ROBO3: variants seen among roughly 807,000 people sequenced by gnomAD.
ROBO3 encodes the protein roundabout homolog 3.
A neutral mutation model predicts 160.5 loss-of-function variants in ROBO3; 97 were observed. The ratio of observed to expected loss-of-function variants is 0.60; its 90% CI spans 0.51 to 0.72. The LOEUF (loss-of-function observed/expected upper bound fraction) is 0.72. ROBO3 is among the 30% of genes least tolerant of loss of function. ROBO3 has a pLI of 0.00. For synonymous variants in ROBO3, 780 were observed against 746.2 expected, an observed-to-expected ratio of 1.05 and a Z score of -0.74; for missense variants, 1,858 against 1,846.5, an observed-to-expected ratio of 1.01 and a Z score of -0.11.
At position 124,866,782 on chromosome 11, in the gene ROBO3, A is replaced by G. The variant is rs1591506567; in HGVS notation, c.160+1045A>G. 2.0e-5 allele frequency among the ~76,000 whole-genome samples: 3 copies of G among 152,254 alleles called. No homozygotes were observed. In the East Asian group the frequency reaches 5.8e-4, roughly 29 times the overall value. Reference sequence around the variant, plus strand: ...GGAAAGGGCGCCTGCAGCTGTGTCTACAGGAATTAGGGGGAAAAGGCCGAC... The same window carrying G: ...GGAAAGGGCGCCTGCAGCTGTGTCTGCAGGAATTAGGGGGAAAAGGCCGAC... On this transcript the variant is annotated intron_variant, in intron 1 of 27. Transcript: ENST00000397801.
chr11:124,866,863 C>A (rs1427635611), intron 1 of ROBO3, among the ~76,000 whole-genome samples: 1 of 152,014 alleles, frequency 6.6e-6, no homozygotes. Flanking sequence ...GGGGAGGAGC[C>A]CGATTCTCCA....
Position 124,872,684 on chromosome 11 carries a change from A to T in ROBO3, c.1330+132A>T, listed in dbSNP as rs1946292957. 1 of 1,085,820 alleles carries T rather than the reference A, an allele frequency of 9.2e-7. No homozygotes were observed. Among genetic ancestry groups the T allele is most frequent in the Non-Finnish European group, 1.3e-6 (1 of 774,600 alleles). 67.3% of individuals were successfully genotyped at this position (1,085,820 alleles called of 1,614,324 possible). ...ATGTGTTCCTGAGGCATGACCTTGA[A>T]GTTTGGAAACCAGCAGCAGAAGCCA... On this transcript the variant is annotated intron_variant, in intron 8 of 27. Transcript: ENST00000397801. This position sits in a 1 kb window ranked among gnomAD's most constrained non-coding sequence, Gnocchi z 4.3.
chr11:124,870,962 C>T lies in ROBO3; in HGVS notation c.1034-52C>T, dbSNP rs1480058955. 2.5e-6 allele frequency: 4 copies of T among 1,586,692 alleles called. No homozygotes were observed. In the East Asian group the frequency reaches 6.8e-5, roughly 27 times the overall value. On this transcript the variant is annotated intron_variant, in intron 6 of 27. Coordinates refer to ENST00000397801, the MANE Select transcript of ROBO3 (RefSeq NM_022370.4). ...TTCTCTCTCCTGTTCCTGCAGTCTC[C>T]TTTCTTAGTGCCTCTGACTACCTGT...
intron 26 of ROBO3, 51 bp downstream of exon 26, chr11:124,879,999 G>T: frequency 6.7e-7 from 1 of 1,483,368 alleles, no homozygotes; most frequent in Non-Finnish European, 9.0e-7. Context: ...GAGACTGTGG[G>T]CTTTGGGACT....
rs2135335704 is a variant in ROBO3, at chr11:124,876,241, G to A, written c.2594-34G>A. On this transcript the variant is annotated intron_variant, in intron 16 of 27. Transcript: ENST00000397801. The surrounding 1 kb of genome is among the most constrained non-coding windows in gnomAD (Gnocchi z 5.3). ...CCCTTTCCCAGTTCCAGGGTTTCGG[G>A]CCCCTCCTCCCCTCACTTCTCTGAC... 3 of 1,494,638 alleles carry A rather than the reference G, an allele frequency of 2.0e-6. No homozygotes were observed. Among genetic ancestry groups the A allele is most frequent in the South Asian group, 1.4e-5 (1 of 73,396 alleles). The allele number at this position is 1,494,638 out of a possible 1,614,324, so 92.6% of individuals were successfully genotyped here.
rs1250565219 is a variant in ROBO3, at chr11:124,873,229, C to T, written c.1537-81C>T. The T allele has an allele frequency of 7.0e-7, 1 of 1,434,312 alleles. No individual in the cohort carries two copies. The highest frequency in any genetic ancestry group is 9.6e-7 in the Non-Finnish European group (1 of 1,039,612). The allele number at this position is 1,434,312 out of a possible 1,614,324, so 88.8% of individuals were successfully genotyped here. ...GAGCACCTAGTATCCAACATCTTCCCATCCTTCTGCTACCCGCCTCCACCC... is the reference window on the plus strand; with the variant it reads ...GAGCACCTAGTATCCAACATCTTCCTATCCTTCTGCTACCCGCCTCCACCC... On this transcript the variant is annotated intron_variant, in intron 9 of 27. Transcript: ENST00000397801. The surrounding 1 kb of genome is among the most constrained non-coding windows in gnomAD (Gnocchi z 4.5).
chr11:124,868,975 C>T lies in ROBO3; in HGVS notation c.334C>T (p.Arg112Cys). 1 of 1,603,038 alleles carries T rather than the reference C, an allele frequency of 6.2e-7. No individual in the cohort carries two copies. The highest frequency in any genetic ancestry group is 8.5e-7 in the Non-Finnish European group (1 of 1,175,662). ...ARVATVREDPRAHRLLLPSGA... is the reference protein window; with the variant it reads ...ARVATVREDPCAHRLLLPSGA... Reference sequence around the variant, plus strand: ...TGTGGCCACTGTGCGGGAGGATCCGCGTGCGCACCGCCTGCTGCTGCCCAG... The same window carrying T: ...TGTGGCCACTGTGCGGGAGGATCCGTGTGCGCACCGCCTGCTGCTGCCCAG... Residue 112 changes from arginine to cysteine, a missense_variant, in exon 2 of 28, where the codon CGT (arginine) becomes TGT (cysteine). Arg to Cys is a radical substitution (Grantham distance 180). Transcript: ENST00000397801.
intron 19 of ROBO3, 21 bp from the exon 20 acceptor site, chr11:124,877,498 C>A: frequency 6.2e-7 from 1 of 1,600,156 alleles, no homozygotes; most frequent in Non-Finnish European, 8.5e-7. Flanking sequence ...CCGTCCCCAA[C>A]GCTCACCTGC....
intron 13 of ROBO3, 50 bp from the exon 14 acceptor site, chr11:124,875,061 T>G: frequency 6.6e-7 from 1 of 1,525,878 alleles, no homozygotes. Context: ...CTGGAGGGCC[T>G]GTATGGCCCC....
In ROBO3 at chr11:124,873,814, A is replaced by C; in HGVS notation, c.1736A>C (p.Asn579Thr). The change falls in exon 11 of 28, where the codon AAC (asparagine) becomes ACC (threonine). Residue 579 changes from asparagine (N) to threonine (T), a missense_variant. Physicochemically the swap from Asn to Thr is moderately conservative, Grantham distance 65. Coordinates refer to ENST00000397801, the MANE Select transcript of ROBO3 (RefSeq NM_022370.4). This position sits in a 1 kb window ranked among gnomAD's most constrained non-coding sequence, Gnocchi z 4.5. ...AGCATTACCCTGACCTGGAAGCCCA[A>C]CCCACAAACTGGGGCTGCAGTCACG... ...KNSITLTWKP[N>T]PQTGAAVTSY... 1 of 1,613,774 alleles carries C rather than the reference A, an allele frequency of 6.2e-7. No homozygotes were observed. Among genetic ancestry groups the C allele is most frequent in the Non-Finnish European group, 8.5e-7 (1 of 1,179,774 alleles).
At position 124,880,488 on chromosome 11, in the gene ROBO3, G is replaced by A. The variant is rs557515827; in HGVS notation, c.4029G>A (p.Thr1343=). ...SRGQGTSTCS[T]AGSNSSRGSS... ...GCCAGGGCACCAGCACATGTTCCAC[G>A]GCCGGCAGCAACTCTTCCAGGGGCT... is the stretch of plus-strand genomic sequence containing the variant. The change falls in exon 27 of 28, where the codon ACG becomes ACA. Residue 1343 remains threonine, a synonymous_variant. Coordinates refer to ENST00000397801, the MANE Select transcript of ROBO3 (RefSeq NM_022370.4). The A allele has an allele frequency of 1.2e-5, 20 of 1,604,840 alleles. 1 individual carries two copies. Among genetic ancestry groups the A allele is most frequent in the South Asian group, 9.0e-5 (8 of 89,106 alleles).
chr11:124,868,766 C>T (rs1325242746), intron 1 of ROBO3, 36 bp from the exon 2 acceptor site: 3 of 1,565,408 alleles, frequency 1.9e-6, no homozygotes, highest in Admixed American at 1.8e-5. Flanking sequence ...CCACAATTTC[C>T]CTGTCTGAAC....
chr11:124,871,870 G>A (rs1946283169), intron 7 of ROBO3, among the ~76,000 whole-genome samples: 1 of 152,188 alleles, frequency 6.6e-6, no homozygotes, highest in Non-Finnish European at 1.5e-5. Context: ...TGAATAAAAA[G>A]GGTGACGGTT....
chr11:124,870,649 C>T lies in ROBO3; in HGVS notation c.954C>T (p.Ala318=), dbSNP rs765425006. 1.7e-5 allele frequency: 28 copies of T among 1,613,292 alleles called. No homozygotes were observed. Among genetic ancestry groups the T allele is most frequent in the Admixed American group, 3.3e-5 (2 of 59,938 alleles). ...GCCTTTGGATTGGGCATGTGAGTGCCGAAGATGAGGGAACGTACACCTGTG... is the reference window on the plus strand; with the variant it reads ...GCCTTTGGATTGGGCATGTGAGTGCTGAAGATGAGGGAACGTACACCTGTG... The part of the protein sequence containing the change: ...DHSLWIGHVS[A]EDEGTYTCVA... Residue 318 remains alanine (A), a synonymous_variant, in exon 6 of 28, where the codon GCC becomes GCT. Transcript: ENST00000397801.
Position 124,879,888 on chromosome 11 carries a change from G to C in ROBO3, c.3898G>C (p.Gly1300Arg), listed in dbSNP as rs761307960. The change falls in exon 26 of 28, where the codon GGG (glycine) becomes CGG (arginine). Residue 1300 changes from glycine to arginine, a missense_variant. By Grantham distance (125) the Gly-to-Arg change is moderately radical. Transcript: ENST00000397801. ...GTCCTCCCTGGAGCGGGAGCGCAGT[G>C]GGGAGAGGAAAGCGGTCCAGGCCGT... is the stretch of plus-strand genomic sequence containing the variant. ...SMSSLERERSGERKAVQAVPL... is the reference protein window; with the variant it reads ...SMSSLERERSRERKAVQAVPL... The C allele has an allele frequency of 6.2e-7, 1 of 1,611,812 alleles. No homozygotes were observed. Among genetic ancestry groups the C allele is most frequent in the South Asian group, 1.1e-5 (1 of 90,508 alleles).
rs758659290 is a variant in ROBO3, at chr11:124,868,998, C to T, written c.357C>T (p.Pro119=). The change falls in exon 2 of 28, where the codon CCC becomes CCT. Residue 119 remains proline (P), a synonymous_variant. Coordinates refer to ENST00000397801, the MANE Select transcript of ROBO3 (RefSeq NM_022370.4). The part of the protein sequence containing the change: ...EDPRAHRLLL[P]SGALFFPRIV... ...CGCGTGCGCACCGCCTGCTGCTGCC[C>T]AGCGGCGCCCTCTTCTTCCCGCGCA... 1.3e-6 allele frequency: 2 copies of T among 1,599,890 alleles called. No individual in the cohort carries two copies. The highest frequency in any genetic ancestry group is 2.3e-5 in the South Asian group (2 of 88,862).
At chr11:124,880,842 T>C in intron 27 of ROBO3, among the ~76,000 whole-genome samples, 1 of 152,052 alleles carries the variant, frequency 6.6e-6, no homozygotes, top group Non-Finnish European at 1.5e-5. Context: ...TCCCTTGAGC[T>C]CAGGAGTTTG....
intron 27 of ROBO3, 143 bp from the exon 28 acceptor site, chr11:124,881,096 G>A (rs924966144): frequency 3.3e-4 from 241 of 740,926 alleles, no homozygotes; most frequent in Non-Finnish European, 7.6e-5. Context: ...ATGACAAGGG[G>A]TGAGGACAAG....
In ROBO3 at chr11:124,874,830, A is replaced by G. The variant is rs1946329373; in HGVS notation, c.1994A>G (p.Gln665Arg). The change falls in exon 13 of 28, where the codon CAG (glutamine) becomes CGG (arginine). Residue 665 changes from glutamine to arginine, a missense_variant. By Grantham distance (43) the Gln-to-Arg change is conservative. Transcript: ENST00000397801. Reference sequence around the variant, plus strand: ...CCAGTGGAGGACCCATGGAGAGGCCAGCAGGGACTGGCGGAAGTGGCTGTG... The same window carrying G: ...CCAGTGGAGGACCCATGGAGAGGCCGGCAGGGACTGGCGGAAGTGGCTGTG... ...SRPVEDPWRG[Q>R]QGLAEVAVRL... The G allele has an allele frequency of 6.2e-7, 1 of 1,605,150 alleles. No homozygotes were observed. Among genetic ancestry groups the G allele is most frequent in the African/African-American group, 1.3e-5 (1 of 74,966 alleles).
Sources: allele counts gnomAD v4.1 joint callset (sites outside exome capture counted in the v4.1 genomes callset), GRCh38; gene constraint gnomAD v4.1.1; non-coding constraint Gnocchi (gnomAD v3.1); transcripts MANE v1.5; gene names NCBI Gene and HGNC (gene_info 2026-07-23, HGNC 2026-07-21).